Variants in MPRIP observed in about 807,000 individuals in gnomAD.
MPRIP encodes myosin phosphatase Rho interacting protein, also known as myosin phosphatase Rho-interacting protein.
In MPRIP, 59 loss-of-function variants were observed where a neutral mutation model predicts 234.9. The observed-to-expected ratio is 0.25, with a 90% CI of 0.20 to 0.31. The LOEUF is 0.31. Among genes scored for constraint, MPRIP ranks in the 10% least tolerant of loss-of-function variants. The probability of loss-of-function intolerance (pLI) is 1.00; values close to 1 mark genes in which losing one functional copy is unlikely to be tolerated. For synonymous variants in MPRIP, 1,144 were observed against 1,263.9 expected, an observed-to-expected ratio of 0.91 and a Z score of 2.01; for missense variants, 2,436 against 3,071.0, an observed-to-expected ratio of 0.79 and a Z score of 4.89.
intron 1 of MPRIP, among the ~76,000 whole-genome samples, chr17:17,066,748 T>C (rs1333440745): frequency 1.0e-5 from 1 of 97,032 alleles, no homozygotes; most frequent in African/African-American, 4.8e-5. Context: ...TTTTTTTTTT[T>C]TTTTTTTTTT....
chr17:17,142,845 C>T, intron 8 of MPRIP, 80 bp downstream of exon 8: 1 of 1,507,018 alleles, frequency 6.6e-7, no homozygotes. Flanking sequence ...AAGTCCCCTC[C>T]ACACAGGCCT....
intron 1 of MPRIP, among the ~76,000 whole-genome samples, chr17:17,048,768 TG>T (rs2088438008): frequency 1.3e-5 from 2 of 152,136 alleles, no homozygotes; most frequent in South Asian, 2.1e-4. Flanking sequence ...GGAAACAGTT[TG>T]GGGGTTTCTC....
intron 3 of MPRIP, among the ~76,000 whole-genome samples, chr17:17,082,793 A>G (rs1324042868): frequency 6.6e-6 from 1 of 152,060 alleles, no homozygotes; most frequent in Non-Finnish European, 1.5e-5. Flanking sequence ...GCCCCTGGAA[A>G]CCCCCATGCT....
intron 4 of MPRIP, among the ~76,000 whole-genome samples, chr17:17,130,450 C>T (rs561665713): frequency 2.1e-4 from 32 of 151,488 alleles, no homozygotes; most frequent in Admixed American, 2.0e-3. Context: ...CTCCCCTCCT[C>T]TCCTCTCCAC....
At chr17:17,044,971 AAG>A (rs1398375973) in intron 1 of MPRIP, among the ~76,000 whole-genome samples, 2 of 152,154 alleles carry the variant, frequency 1.3e-5, no homozygotes, top group African/African-American at 2.4e-5. Context: ...TGCTCTTGAA[AAG>A]AGAGGAGGGA....
chr17:17,042,896 C>T lies in MPRIP; in HGVS notation c.48C>T (p.Ile16=), dbSNP rs138437542. ...ENPCRKFQAN[I]FNKSKCQNCF... is the part of the protein sequence containing the mutation. ...CGTGCAGGAAATTCCAGGCCAACAT[C>T]TTCAACAAGAGCAAGTGTCAGAACT... is the stretch of plus-strand genomic sequence containing the variant. The change falls in exon 1 of 24, where the codon ATC becomes ATT. Residue 16 remains isoleucine (I), a synonymous_variant. Coordinates refer to ENST00000651222, the MANE Select transcript of MPRIP (RefSeq NM_001364716.4). 0.027 allele frequency: 44,109 copies of T among 1,609,464 alleles called. 1,030 individuals are homozygous for T. Among genetic ancestry groups the T allele is most frequent in the East Asian group, 0.13 (5,621 of 44,638 alleles).
At chr17:17,175,248 C>T (rs367606413) in intron 19 of MPRIP, 45 bp from the exon 20 acceptor site, 151 of 1,611,428 alleles carry the variant, frequency 9.4e-5, no homozygotes, top group Non-Finnish European at 1.2e-4. Context: ...TGCGACTTGG[C>T]CCCAGGCAGC....
intron 1 of MPRIP, among the ~76,000 whole-genome samples, chr17:17,048,875 T>G (rs1166931632): frequency 6.6e-6 from 1 of 152,194 alleles, no homozygotes. Flanking sequence ...AAACAGATAC[T>G]TGTATACAAA....
At chr17:17,071,601 G>C (rs1045673364) in intron 1 of MPRIP, among the ~76,000 whole-genome samples, 1 of 152,198 alleles carries the variant, frequency 6.6e-6, no homozygotes, top group African/African-American at 2.4e-5. Context: ...GTTTTTGAAA[G>C]AGCTTCAGGT....
In MPRIP at chr17:17,131,776, T is replaced by C. The variant is rs1212713683; in HGVS notation, c.504+75T>C. 2.2e-6 allele frequency: 3 copies of C among 1,362,608 alleles called. No individual in the cohort carries two copies. The African/African-American group carries it at 4.3e-5, about 19-fold the overall frequency. 84.4% of individuals were successfully genotyped at this position (1,362,608 alleles called of 1,614,324 possible). A position where few individuals can be genotyped will look rare whatever the true frequency, so the allele number is the denominator to read the frequency against. On this transcript the variant is annotated intron_variant, in intron 5 of 23. Transcript: ENST00000651222. ...GGGAAGAAGTGAGGGCTCCCTGAGGTTAGAGGGTGAGGACACAGTCAGGCC... is the reference window on the plus strand; with the variant it reads ...GGGAAGAAGTGAGGGCTCCCTGAGGCTAGAGGGTGAGGACACAGTCAGGCC...
Position 17,192,306 on chromosome 17 carries a change from C to T in MPRIP, c.*7412C>T, listed in dbSNP as rs891194280. On this transcript the variant is annotated 3_prime_UTR_variant, in exon 24 of 24. Transcript: ENST00000651222. ...AGAAGAAAGGGCTGAATGAGTACCG[C>T]CTCCCTAGGTTCCAGCACAGCGCTC... 1.3e-5 allele frequency: 2 copies of T among 151,904 alleles called. No individual in the cohort carries two copies. Among genetic ancestry groups the T allele is most frequent in the Non-Finnish European group, 2.9e-5 (2 of 67,998 alleles). The allele number at this position is 151,904 out of a possible 1,614,324, so 9.4% of individuals were successfully genotyped here.
At chr17:17,176,906 G>A (rs1419301391) in intron 21 of MPRIP, among the ~76,000 whole-genome samples, 2 of 152,234 alleles carry the variant, frequency 1.3e-5, no homozygotes, top group Admixed American at 1.3e-4. Flanking sequence ...CAGTCACCTA[G>A]GGAATCTAGG....
At chr17:17,152,422 C>T (rs528862647) in intron 12 of MPRIP, among the ~76,000 whole-genome samples, 41 of 152,374 alleles carry the variant, frequency 2.7e-4, no homozygotes, top group African/African-American at 9.6e-4. Flanking sequence ...CACTGATCAA[C>T]CCCTCCTCAC....
intron 14 of MPRIP, 104 bp downstream of exon 14, chr17:17,159,106 G>A (rs2137688): frequency 2.2e-5 from 27 of 1,224,176 alleles, no homozygotes; most frequent in South Asian, 1.5e-4. Context: ...AGTCCTACCC[G>A]CGAGGGACTT....
At chr17:17,083,476 A>C (rs1394858946) in intron 3 of MPRIP, among the ~76,000 whole-genome samples, 1 of 152,100 alleles carries the variant, frequency 6.6e-6, no homozygotes, top group Non-Finnish European at 1.5e-5. Context: ...AAATTTCTGC[A>C]ATTTTTGGTG....
intron 23 of MPRIP, 122 bp from the exon 24 acceptor site, chr17:17,184,701 C>A: frequency 1.5e-6 from 1 of 673,322 alleles, no homozygotes; most frequent in Non-Finnish European, 2.7e-6. Context: ...CCACTAACCG[C>A]ACCTGCACCC....
chr17:17,055,934 A>G (rs1317132972), intron 1 of MPRIP, among the ~76,000 whole-genome samples: 1 of 152,192 alleles, frequency 6.6e-6, no homozygotes, highest in Non-Finnish European at 1.5e-5. Flanking sequence ...GGCGGAGTTA[A>G]GAGAAGGGTA....
chr17:17,111,911 C>T (rs2090179909), intron 3 of MPRIP, among the ~76,000 whole-genome samples: 1 of 152,160 alleles, frequency 6.6e-6, no homozygotes, highest in Non-Finnish European at 1.5e-5. Flanking sequence ...ATGCTACCCA[C>T]CCTGGCATTT....
chr17:17,173,592 G>A (rs1054561541), intron 18 of MPRIP, among the ~76,000 whole-genome samples: 1 of 152,254 alleles, frequency 6.6e-6, no homozygotes, highest in Non-Finnish European at 1.5e-5. Flanking sequence ...GGCTTCAAAA[G>A]TGGGTTTACT....
Sources: gnomAD v4.1 joint callset for allele counts (sites outside exome capture counted in the v4.1 genomes callset) on GRCh38, gnomAD v4.1.1 for gene constraint, MANE v1.5 for transcripts, NCBI Gene and HGNC (gene_info 2026-07-23, HGNC 2026-07-21) for gene names.